Variants in SUGCT observed in about 807,000 individuals in gnomAD.
SUGCT encodes the protein succinyl-CoA:glutarate-CoA transferase.
Under a neutral mutation model 55.0 loss-of-function variants are expected in SUGCT, and 41 were observed. The observed-to-expected ratio is 0.74, with a 90% confidence interval of 0.58 to 0.97. The LOEUF (loss-of-function observed/expected upper bound fraction) is 0.97, where lower values mean the gene tolerates loss of function less well. Among genes scored for constraint, SUGCT ranks in the 50% least tolerant of loss-of-function variants. SUGCT has a pLI of 0.00. For missense variants in SUGCT, 568 were observed against 547.8 expected (o/e 1.04, Z -0.37); for synonymous variants, 187 against 200.4 (o/e 0.93, Z 0.56).
intron 12 of SUGCT, among the ~76,000 whole-genome samples, chr7:40,634,412 C>A (rs1407063388): frequency 6.6e-6 from 1 of 152,156 alleles, no homozygotes; most frequent in Non-Finnish European, 1.5e-5. Context: ...AATCAGCTAC[C>A]TGCTCATTCC....
chr7:41,024,655 A>G, the SUGCT span, among the ~76,000 whole-genome samples: 1 of 113,806 alleles, frequency 8.8e-6, no homozygotes, highest in Non-Finnish European at 1.7e-5. Context: ...ACACCCAACA[A>G]TTTGGCAAAA....
chr7:40,307,247 T>C (rs1443303352), intron 8 of SUGCT, among the ~76,000 whole-genome samples: 4 of 152,238 alleles, frequency 2.6e-5, no homozygotes, highest in African/African-American at 9.6e-5. Context: ...AGCCAAACCA[T>C]ATTTGCAGCA....
chr7:40,384,462 T>C (rs990787252), intron 9 of SUGCT, among the ~76,000 whole-genome samples: 2 of 152,176 alleles, frequency 1.3e-5, no homozygotes, highest in African/African-American at 4.8e-5. Context: ...TCTTCTTAGA[T>C]CACAGGTTCC....
At chr7:40,403,269 C>T (rs1179071967) in intron 9 of SUGCT, among the ~76,000 whole-genome samples, 1 of 152,178 alleles carries the variant, frequency 6.6e-6, no homozygotes, top group Non-Finnish European at 1.5e-5. Context: ...GTAAGCTTAG[C>T]AACATTACAA....
At chr7:40,718,693 A>C (rs1231210301) in intron 12 of SUGCT, among the ~76,000 whole-genome samples, 2 of 152,234 alleles carry the variant, frequency 1.3e-5, no homozygotes, top group East Asian at 3.8e-4. Flanking sequence ...GTGTATATGT[A>C]AACATTTAAA....
At chr7:40,458,182 A>C in intron 10 of SUGCT, among the ~76,000 whole-genome samples, 1 of 152,352 alleles carries the variant, frequency 6.6e-6, no homozygotes, top group Admixed American at 6.5e-5. Context: ...AAATATTTAT[A>C]TTGAAAGTAA....
the SUGCT span, among the ~76,000 whole-genome samples, chr7:41,001,453 A>C: frequency 6.6e-6 from 1 of 152,252 alleles, no homozygotes; most frequent in Middle Eastern, 3.4e-3. Flanking sequence ...TACTAAGAAA[A>C]ATGGGGACTG....
Position 40,274,600 on chromosome 7 carries a change from C to G in SUGCT, c.664C>G (p.Gln222Glu), listed in dbSNP as rs1792338811. The G allele has an allele frequency of 3.7e-6, 6 of 1,613,530 alleles. No individual in the cohort carries two copies. ...AYGAIMAGLI[Q>E]KYKTGKGLFI... ...TGGAGCTATTATGGCTGGATTGATA[C>G]AAAAATACAAAACTGGGAAAGGACT... The change falls in exon 8 of 14, where the codon CAA (glutamine) becomes GAA (glutamate). Residue 222 changes from glutamine to glutamate, a missense_variant. Transcript: ENST00000335693.
At chr7:40,669,747 T>C (rs1167074086) in intron 12 of SUGCT, among the ~76,000 whole-genome samples, 2 of 151,658 alleles carry the variant, frequency 1.3e-5, no homozygotes, top group Non-Finnish European at 2.9e-5. Flanking sequence ...AAATCACCCT[T>C]AATGGACGAC....
intron 6 of SUGCT, among the ~76,000 whole-genome samples, chr7:40,231,736 T>C (rs1466974140): frequency 6.6e-6 from 1 of 152,214 alleles, no homozygotes; most frequent in Non-Finnish European, 1.5e-5. Context: ...TGGAGGTTTA[T>C]TTTAAGTGAC....
the SUGCT span, among the ~76,000 whole-genome samples, chr7:40,887,488 A>G: frequency 6.6e-6 from 1 of 152,204 alleles, no homozygotes; most frequent in African/African-American, 2.4e-5. Context: ...ATGGATTAGA[A>G]AAGTAGTGAA....
chr7:40,493,416 A>G (rs1236547877), intron 11 of SUGCT, among the ~76,000 whole-genome samples: 1 of 152,090 alleles, frequency 6.6e-6, no homozygotes, highest in Admixed American at 6.6e-5. Flanking sequence ...CTGGTCTTGT[A>G]TTTGTCTCAT....
At chr7:40,765,845 G>C (rs996330678) in intron 13 of SUGCT, among the ~76,000 whole-genome samples, 1 of 152,192 alleles carries the variant, frequency 6.6e-6, no homozygotes, top group East Asian at 1.9e-4. Flanking sequence ...TCAGATGCAG[G>C]GAAACCCTCT....
chr7:40,605,286 T>A (rs1798468086), intron 12 of SUGCT, among the ~76,000 whole-genome samples: 1 of 152,256 alleles, frequency 6.6e-6, no homozygotes, highest in African/African-American at 2.4e-5. Flanking sequence ...ACATTTGCTC[T>A]GATGACATTC....
intron 13 of SUGCT, among the ~76,000 whole-genome samples, chr7:40,821,207 A>T (rs1429289026): frequency 3.3e-5 from 5 of 152,008 alleles, no homozygotes; most frequent in Admixed American, 3.3e-4. Context: ...TTCATCAGGG[A>T]TGTTTGTCTA....
intron 1 of SUGCT, chr7:40,153,006 A>C (rs1788661707): frequency 5.2e-6 from 1 of 192,790 alleles, no homozygotes; most frequent in Non-Finnish European, 1.0e-5. Context: ...CGCCCAGCCA[A>C]TTAATGTTGA....
At chr7:40,955,985 A>G in the SUGCT span, among the ~76,000 whole-genome samples, 1 of 152,186 alleles carries the variant, frequency 6.6e-6, no homozygotes, top group African/African-American at 2.4e-5. Flanking sequence ...AGCCAAGTTG[A>G]TCATGGTGGA....
At chr7:40,691,511 CT>C (rs1179124731) in intron 12 of SUGCT, among the ~76,000 whole-genome samples, 2 of 152,118 alleles carry the variant, frequency 1.3e-5, no homozygotes, top group East Asian at 3.9e-4. Flanking sequence ...CAGATATAAA[CT>C]TTTGATATAT....
chr7:40,630,466 A>G (rs1584166559), intron 12 of SUGCT, among the ~76,000 whole-genome samples: 1 of 152,240 alleles, frequency 6.6e-6, no homozygotes, highest in Non-Finnish European at 1.5e-5. Flanking sequence ...AAGGATAAGC[A>G]GAAACTAAAA....
Sources: allele counts gnomAD v4.1 joint callset (sites outside exome capture counted in the v4.1 genomes callset), GRCh38; gene constraint gnomAD v4.1.1; transcripts MANE v1.5; gene names NCBI Gene and HGNC (gene_info 2026-07-23, HGNC 2026-07-21).